Variants in ESRRG observed in about 807,000 individuals in gnomAD.
The protein encoded by ESRRG is estrogen-related receptor gamma.
A neutral mutation model predicts 44.0 loss-of-function variants in ESRRG; 13 were observed. The observed-to-expected ratio is 0.30, with a 90% CI of 0.19 to 0.47. ESRRG has a LOEUF of 0.47. Among genes scored for constraint, ESRRG ranks in the 20% least tolerant of loss-of-function variants. The pLI is 1.00. For synonymous variants in ESRRG, 215 were observed against 214.6 expected (o/e 1.00, Z -0.02); for missense variants, 395 against 580.6 (o/e 0.68, Z 3.29).
At chr1:217,064,235 A>G (rs891637818) in intron 1 of ESRRG, among the ~76,000 whole-genome samples, 1 of 151,534 alleles carries the variant, frequency 6.6e-6, no homozygotes. Flanking sequence ...TTACACACAT[A>G]TGTGTTATGT....
chr1:217,050,201 G>A (rs1417134352), intron 1 of ESRRG, among the ~76,000 whole-genome samples: 1 of 152,106 alleles, frequency 6.6e-6, no homozygotes, highest in African/African-American at 2.4e-5. Flanking sequence ...TGAGCTGGGG[G>A]GGTGAAAAAG....
intron 1 of ESRRG, among the ~76,000 whole-genome samples, chr1:216,949,411 TGG>T (rs2066593541): frequency 6.6e-6 from 1 of 152,212 alleles, no homozygotes; most frequent in African/African-American, 2.4e-5. Flanking sequence ...TCTGGTTTTC[TGG>T]ATGAGATCAT....
chr1:216,773,478 A>G (rs1206566625), intron 2 of ESRRG, among the ~76,000 whole-genome samples: 2 of 152,132 alleles, frequency 1.3e-5, no homozygotes, highest in Non-Finnish European at 2.9e-5. Context: ...GGATCTTCCC[A>G]CTTTTGAAAA....
chr1:216,807,382 C>T (rs527693952), intron 2 of ESRRG, among the ~76,000 whole-genome samples: 1 of 152,226 alleles, frequency 6.6e-6, no homozygotes, highest in East Asian at 1.9e-4. Flanking sequence ...GATCAAGAGT[C>T]TGAGAAAAAC....
chr1:217,030,285 C>T (rs147880107), intron 1 of ESRRG, among the ~76,000 whole-genome samples: 1 of 152,318 alleles, frequency 6.6e-6, no homozygotes, highest in East Asian at 1.9e-4. Context: ...CCAGACCTTT[C>T]ACAGATTTGC....
At chr1:217,121,193 G>A (rs2092813739) in intron 1 of ESRRG, among the ~76,000 whole-genome samples, 1 of 151,742 alleles carries the variant, frequency 6.6e-6, no homozygotes, top group Non-Finnish European at 1.5e-5. Flanking sequence ...GATACAAAAA[G>A]AAATGCAACA....
chr1:217,050,659 C>T (rs910653074), intron 1 of ESRRG, among the ~76,000 whole-genome samples: 4 of 152,160 alleles, frequency 2.6e-5, no homozygotes, highest in South Asian at 2.1e-4. Flanking sequence ...AAAGCTCGGG[C>T]CATCCTCTAC....
At chr1:216,893,154 T>C (rs1262804065) in intron 2 of ESRRG, among the ~76,000 whole-genome samples, 1 of 152,170 alleles carries the variant, frequency 6.6e-6, no homozygotes, top group African/African-American at 2.4e-5. Context: ...CAAGCTTTTG[T>C]TCATGGAGTC....
chr1:216,528,693 G>A (rs928632097), intron 5 of ESRRG, among the ~76,000 whole-genome samples: 2 of 152,024 alleles, frequency 1.3e-5, no homozygotes, highest in South Asian at 2.1e-4. Context: ...GTAAGAAGGA[G>A]CTTCTCATGA....
chr1:216,770,633 C>A (rs76985361), intron 2 of ESRRG, among the ~76,000 whole-genome samples: 1 of 151,874 alleles, frequency 6.6e-6, no homozygotes, highest in South Asian at 2.1e-4. Context: ...CAATAAATAA[C>A]AGGTTAAAAT....
chr1:216,933,484 G>A (rs1229405652), intron 2 of ESRRG, among the ~76,000 whole-genome samples: 1 of 151,998 alleles, frequency 6.6e-6, no homozygotes, highest in Non-Finnish European at 1.5e-5. Flanking sequence ...CAATTTCTGT[G>A]GTGTAAATAC....
At chr1:216,782,464 A>T (rs1461182747) in intron 2 of ESRRG, among the ~76,000 whole-genome samples, 1 of 152,104 alleles carries the variant, frequency 6.6e-6, no homozygotes, top group African/African-American at 2.4e-5. Flanking sequence ...GATAGAGGAC[A>T]TTTTAGAAAC....
intron 1 of ESRRG, among the ~76,000 whole-genome samples, chr1:216,942,535 T>C (rs577832853): frequency 6.6e-6 from 1 of 152,294 alleles, no homozygotes; most frequent in South Asian, 2.1e-4. Context: ...CCACAAATAG[T>C]TATAAATGTT....
At chr1:217,003,133 G>A (rs965127705) in intron 1 of ESRRG, among the ~76,000 whole-genome samples, 2 of 152,006 alleles carry the variant, frequency 1.3e-5, no homozygotes, top group Non-Finnish European at 2.9e-5. Context: ...ATCACAGCCA[G>A]ATAAAACTAC....
chr1:216,946,542 T>C (rs1223237396), intron 1 of ESRRG, among the ~76,000 whole-genome samples: 2 of 152,174 alleles, frequency 1.3e-5, no homozygotes, highest in African/African-American at 2.4e-5. Context: ...TCTGATTCTT[T>C]GGCCAGCAAA....
intron 3 of ESRRG, among the ~76,000 whole-genome samples, chr1:216,579,907 A>G (rs912785680): frequency 6.6e-6 from 1 of 152,140 alleles, no homozygotes; most frequent in Non-Finnish European, 1.5e-5. Context: ...TTTTCTGTCA[A>G]TTGTCTCCCT....
intron 1 of ESRRG, among the ~76,000 whole-genome samples, chr1:217,094,953 C>T (rs774099940): frequency 7.1e-4 from 108 of 152,166 alleles, no homozygotes; most frequent in Non-Finnish European, 2.5e-4. Context: ...AATTCCTTAA[C>T]CAGGTTTCAT....
At chr1:216,810,868 T>C (rs1321809003) in intron 2 of ESRRG, among the ~76,000 whole-genome samples, 1 of 150,928 alleles carries the variant, frequency 6.6e-6, no homozygotes, top group East Asian at 1.9e-4. Flanking sequence ...ATATATAACG[T>C]TATGATATAC....
intron 2 of ESRRG, among the ~76,000 whole-genome samples, 171 bp downstream of exon 2, chr1:216,676,905 G>A (rs1288909710): frequency 1.3e-5 from 2 of 152,050 alleles, no homozygotes; most frequent in African/African-American, 4.8e-5. Context: ...GTATATCTGG[G>A]GGGATTTTAT....
Sources: gnomAD v4.1 joint callset for allele counts (sites outside exome capture counted in the v4.1 genomes callset) on GRCh38, gnomAD v4.1.1 for gene constraint, MANE v1.5 for transcripts, NCBI Gene and HGNC (gene_info 2026-07-23, HGNC 2026-07-21) for gene names.